The following SIDT2 variants were observed in gnomAD, a reference collection of about 807,000 sequenced individuals.
SIDT2 encodes SID1 transmembrane family member 2, also known as SID1 transmembrane family, member 2.
A neutral mutation model predicts 114.4 loss-of-function variants in SIDT2; 68 were observed. That is an observed-to-expected ratio of 0.59 (90% CI 0.49 to 0.73). The LOEUF (loss-of-function observed/expected upper bound fraction) is 0.73. Ranked by LOEUF, SIDT2 falls within the 30% of genes least tolerant of loss-of-function variation. SIDT2 has a pLI of 0.00. For missense variants in SIDT2, 918 were observed against 1,097.1 expected (o/e 0.84, Z 2.31); for synonymous variants, 470 against 438.4 (o/e 1.07, Z -0.90).
At chr11:117,193,787 G>T (rs2030788926) in intron 23 of SIDT2, 66 bp from the exon 24 acceptor site, 4 of 1,184,182 alleles carry the variant, frequency 3.4e-6, no homozygotes, top group Admixed American at 1.7e-5. Context: ...GGGAAAGGCT[G>T]GGTGGGACAG....
Position 117,184,126 on chromosome 11 carries a change from TCAAG to T in SIDT2, c.858_861del (p.Ala287SerfsTer23). 6.2e-7 allele frequency: 1 copy of T among 1,614,160 alleles called. No homozygotes were observed. The highest frequency in any genetic ancestry group is 8.5e-7 in the Non-Finnish European group (1 of 1,180,014). Reference sequence around the variant, plus strand: ...AGAAAACCCTGTCAGTGCTGGTGTCTCAAGCAGTCACGTGTGAGTGCTGCAGGTG... The same window carrying T: ...AGAAAACCCTGTCAGTGCTGGTGTCTCAGTCACGTGTGAGTGCTGCAGGTG... On this transcript the variant is annotated frameshift_variant, in exon 8 of 26. Coordinates refer to ENST00000324225, the MANE Select transcript of SIDT2 (RefSeq NM_001040455.2). LOFTEE classifies it high-confidence loss of function.
In SIDT2 at chr11:117,196,209, G is replaced by A. The variant is rs2030892007; in HGVS notation, c.*143G>A. The A allele has an allele frequency of 2.6e-6, 3 of 1,153,564 alleles. No individual in the cohort carries two copies. The highest frequency in any genetic ancestry group is 1.5e-5 in the African/African-American group (1 of 65,330). The allele number at this position is 1,153,564 out of a possible 1,614,324, so 71.5% of individuals were successfully genotyped here. On this transcript the variant is annotated 3_prime_UTR_variant, in exon 26 of 26. Transcript: ENST00000324225. The surrounding 1 kb of genome is among the most constrained non-coding windows in gnomAD (Gnocchi z 4.9). The stretch of plus-strand genomic sequence containing the variant: ...AGCAGGACAGCCAGGTCTAGCTTAG[G>A]CTTGGCCTGGGACAGCCATGGGGTG...
rs368520262 is a variant in SIDT2, at chr11:117,192,917, G to A, written c.2105+51G>A. On this transcript the variant is annotated intron_variant, in intron 22 of 25. Transcript: ENST00000324225. The surrounding 1 kb of genome is among the most constrained non-coding windows in gnomAD (Gnocchi z 5.9). ...TGGTTGGGTGGACAGCTGGGGACTC[G>A]GTCAGCCACTGGCTGCCTTGGGGGC... is the stretch of plus-strand genomic sequence containing the variant. 9.6e-5 allele frequency: 155 copies of A among 1,610,332 alleles called. 2 individuals are homozygous for A. In the Middle Eastern group the frequency reaches 5.4e-3, roughly 57 times the overall value.
At chr11:117,195,692 T>A in intron 24 of SIDT2, 110 bp from the exon 25 acceptor site, 1 of 1,083,422 alleles carries the variant, frequency 9.2e-7, no homozygotes, top group Non-Finnish European at 1.4e-6. Context: ...ATTGCTGCTG[T>A]CCTGCCTGGG....
chr11:117,196,612 G>A lies in SIDT2; in HGVS notation c.*546G>A, dbSNP rs1446665484. ...TCAGCCAGGATGGATGGGGGTATGA[G>A]ATTTTGGGGGTTGGCCAGCTGGTGC... On this transcript the variant is annotated 3_prime_UTR_variant, in exon 26 of 26. Coordinates refer to ENST00000324225, the MANE Select transcript of SIDT2 (RefSeq NM_001040455.2). The surrounding 1 kb of genome is among the most constrained non-coding windows in gnomAD (Gnocchi z 4.9). The A allele has an allele frequency of 2.4e-5, 4 of 165,794 alleles. No individual in the cohort carries two copies. Among genetic ancestry groups the A allele is most frequent in the Admixed American group, 2.2e-4 (4 of 17,956 alleles). 10.3% of individuals were successfully genotyped at this position (165,794 alleles called of 1,614,324 possible).
Position 117,189,419 on chromosome 11 carries a change from G to T in SIDT2, c.1419+18G>T. 1 of 1,612,928 alleles carries T rather than the reference G, an allele frequency of 6.2e-7. No individual in the cohort carries two copies. The highest frequency in any genetic ancestry group is 1.1e-5 in the South Asian group (1 of 90,822). ...ACCAGACGGTGAGAGGGCAGGGCAGGTTCACCTTTCCGACAGCCTAGGACA... is the reference window on the plus strand; with the variant it reads ...ACCAGACGGTGAGAGGGCAGGGCAGTTTCACCTTTCCGACAGCCTAGGACA... On this transcript the variant is annotated intron_variant, in intron 15 of 25. Transcript: ENST00000324225.
At position 117,191,866 on chromosome 11, in the gene SIDT2, C is replaced by T. The variant is rs901450071; in HGVS notation, c.1736-12C>T. 6 of 1,613,290 alleles carry T rather than the reference C, an allele frequency of 3.7e-6. No individual in the cohort carries two copies. Among genetic ancestry groups the T allele is most frequent in the Non-Finnish European group, 5.1e-6 (6 of 1,179,514 alleles). On this transcript the variant is annotated splice_polypyrimidine_tract_variant and intron_variant, in intron 18 of 25. Transcript: ENST00000324225. The stretch of plus-strand genomic sequence containing the variant: ...CCATTTCTGCAGCTCCCTTCCGTGT[C>T]CCTCATCCTAGACACATCGTTCATG...
intron 10 of SIDT2, 113 bp from the exon 11 acceptor site, chr11:117,187,265 C>G: frequency 9.0e-7 from 1 of 1,106,434 alleles, no homozygotes; most frequent in Non-Finnish European, 1.4e-6. Context: ...TGCTTCTCGT[C>G]TGCTGGCATG....
In SIDT2 at chr11:117,182,287, A is replaced by T. The variant is rs2030319561; in HGVS notation, c.516+182A>T. On this transcript the variant is annotated intron_variant, in intron 4 of 25. Transcript: ENST00000324225. ...ACAGACAGCATGGGACTGTACAGAG[A>T]CATGGAGTCTGGTTGCCTCTCTGGC... 3.9e-6 allele frequency: 3 copies of T among 762,632 alleles called. No individual in the cohort carries two copies. In the Admixed American group the frequency reaches 8.0e-5, roughly 20 times the overall value. The allele number at this position is 762,632 out of a possible 1,614,324, so 47.2% of individuals were successfully genotyped here. A position where few individuals can be genotyped will look rare whatever the true frequency, so the allele number is the denominator to read the frequency against.
Position 117,192,603 on chromosome 11 carries a change from G to C in SIDT2, c.2011G>C (p.Val671Leu). ...GGGGATCTTCCGCCGCATCCTCCACGTGCTCTACACAGACTGCATCCGGCA... is the reference window on the plus strand; with the variant it reads ...GGGGATCTTCCGCCGCATCCTCCACCTGCTCTACACAGACTGCATCCGGCA... ...DSGIFRRILH[V>L]LYTDCIRQCS... Residue 671 changes from valine to leucine, a missense_variant, in exon 21 of 26, where the codon GTG becomes CTG. Transcript: ENST00000324225. This position sits in a 1 kb window ranked among gnomAD's most constrained non-coding sequence, Gnocchi z 5.9. 1.9e-6 allele frequency: 3 copies of C among 1,611,270 alleles called. No individual in the cohort carries two copies. The highest frequency in any genetic ancestry group is 2.5e-6 in the Non-Finnish European group (3 of 1,180,014).
In SIDT2 at chr11:117,193,263, G is replaced by A. The variant is rs2030768527; in HGVS notation, c.2211+5G>A. 6.2e-7 allele frequency: 1 copy of A among 1,611,018 alleles called. No homozygotes were observed. The highest frequency in any genetic ancestry group is 8.5e-7 in the Non-Finnish European group (1 of 1,177,710). On this transcript the variant is annotated splice_donor_5th_base_variant and intron_variant, in intron 23 of 25. Coordinates refer to ENST00000324225, the MANE Select transcript of SIDT2 (RefSeq NM_001040455.2). ...GCCTTCTACATCATCATGAAGGTGA[G>A]TGGGGCTGGCCAAGCCCCCTCTGTC... is the stretch of plus-strand genomic sequence containing the variant.
In SIDT2 at chr11:117,196,499, G is replaced by A. The variant is rs1003056300; in HGVS notation, c.*433G>A. 8 of 207,536 alleles carry A rather than the reference G, an allele frequency of 3.9e-5. No individual in the cohort carries two copies. The highest frequency in any genetic ancestry group is 7.9e-5 in the Non-Finnish European group (8 of 100,956). The allele number at this position is 207,536 out of a possible 1,614,324, so 12.9% of individuals were successfully genotyped here. On this transcript the variant is annotated 3_prime_UTR_variant, in exon 26 of 26. Coordinates refer to ENST00000324225, the MANE Select transcript of SIDT2 (RefSeq NM_001040455.2). This position sits in a 1 kb window ranked among gnomAD's most constrained non-coding sequence, Gnocchi z 4.9. ...TTTTCCTCCCATACTCCCACTCCAG[G>A]GCCTAGTCTGGGGCCTGAATCTCTG...
In SIDT2 at chr11:117,185,891, A is replaced by AGAG. The variant is rs766950584; in HGVS notation, c.869-239_869-238insGAG. ...CGTCTCAAAAAAAAAAAAAAAAAAA[A>AGAG]AAAAGTAGAAGAGAAAGTTCTAGCC... On this transcript the variant is annotated intron_variant, in intron 8 of 25. Transcript: ENST00000324225. 644 of 129,812 alleles carry AGAG rather than the reference A, an allele frequency of 5.0e-3. 18 individuals are homozygous for AGAG. Among genetic ancestry groups the AGAG allele is most frequent in the African/African-American group, 0.048 (583 of 12,022 alleles). 8.0% of individuals were successfully genotyped at this position (129,812 alleles called of 1,614,324 possible). A position where few individuals can be genotyped will look rare whatever the true frequency, so the allele number is the denominator to read the frequency against.
rs1399515468 is a variant in SIDT2, at chr11:117,189,342, G to C, written c.1360G>C (p.Ala454Pro). Residue 454 changes from alanine (A) to proline (P), a missense_variant, in exon 15 of 26, where the codon GCC becomes CCC. Physicochemically the swap from Ala to Pro is conservative, Grantham distance 27 (BLOSUM62 -1). Transcript: ENST00000324225. ...CGCCCTCCTGCTCCGCAGGAACATTGCCACCATTGCTGTCTTCTATGCCCT... is the reference window on the plus strand; with the variant it reads ...CGCCCTCCTGCTCCGCAGGAACATTCCCACCATTGCTGTCTTCTATGCCCT... ...KKYQIYFWNI[A>P]TIAVFYALPV... 1.2e-6 allele frequency: 2 copies of C among 1,614,194 alleles called. No individual in the cohort carries two copies. The highest frequency in any genetic ancestry group is 2.2e-5 in the South Asian group (2 of 91,080).
rs202072877 is a variant in SIDT2, at chr11:117,187,411, G to A, written c.1049G>A (p.Gly350Asp). Residue 350 changes from glycine (G) to aspartate (D), a missense_variant, in exon 11 of 26, where the codon GGC becomes GAC. Physicochemically the swap from Gly to Asp is moderately conservative, Grantham distance 94. Around this residue, in one of 4 missense-constraint regions of SIDT2, gnomAD observed 553 missense variants for 600.1 expected, o/e 0.92. Coordinates refer to ENST00000324225, the MANE Select transcript of SIDT2 (RefSeq NM_001040455.2). ...CGAGTCCTGGCTGATTCTTTTCCTG[G>A]CAGTTCCCCTTATGAGGGTTACAAC... ...HPRVLADSFP[G>D]SSPYEGYNYG... 6.8e-6 allele frequency: 11 copies of A among 1,613,842 alleles called. No homozygotes were observed. The African/African-American group carries it at 1.5e-4, about 22-fold the overall frequency.
chr11:117,189,307 A>T, intron 14 of SIDT2, 28 bp from the exon 15 acceptor site: 1 of 1,614,080 alleles, frequency 6.2e-7, no homozygotes, highest in Non-Finnish European at 8.5e-7. Context: ...GGTGCCACCC[A>T]CCTCACTGCC....
intron 10 of SIDT2, chr11:117,186,985 C>T (rs1209811216): frequency 4.8e-6 from 7 of 1,456,848 alleles, no homozygotes; most frequent in Non-Finnish European, 6.4e-6. Flanking sequence ...GACCTTCTCT[C>T]TTAGCTTCTC....
Position 117,188,184 on chromosome 11 carries a change from G to C in SIDT2, c.1159+485G>C, listed in dbSNP as rs1236929126. 8.3e-6 allele frequency: 3 copies of C among 360,416 alleles called. No homozygotes were observed. The allele number at this position is 360,416 out of a possible 1,614,324, so 22.3% of individuals were successfully genotyped here. ...GACAATCTAGTTTATCGTCTGCGTT[G>C]CCAGCGCCCTCACTCCCTGGCCTGC... On this transcript the variant is annotated intron_variant, in intron 12 of 25. Coordinates refer to ENST00000324225, the MANE Select transcript of SIDT2 (RefSeq NM_001040455.2). This position sits in a 1 kb window ranked among gnomAD's most constrained non-coding sequence, Gnocchi z 4.0.
intron 8 of SIDT2, 133 bp downstream of exon 8, chr11:117,184,272 T>C (rs2030411838): frequency 1.2e-6 from 1 of 832,516 alleles, no homozygotes; most frequent in African/African-American, 1.7e-5. Context: ...ACGGGGAGTG[T>C]TCTTGGCAGG....
Sources: allele counts gnomAD v4.1 joint callset, GRCh38; gene constraint gnomAD v4.1.1; regional missense constraint gnomAD v4.1.1; non-coding constraint Gnocchi (gnomAD v3.1); transcripts MANE v1.5; gene names NCBI Gene and HGNC (gene_info 2026-07-23, HGNC 2026-07-21).